TRMT2B: variants seen among roughly 807,000 people sequenced by gnomAD.
The protein encoded by TRMT2B is tRNA methyltransferase 2B.
Under a neutral mutation model 39.7 loss-of-function variants are expected in TRMT2B, and 34 were observed. The ratio of observed to expected loss-of-function variants is 0.86; its 90% CI spans 0.65 to 1.14. The LOEUF (loss-of-function observed/expected upper bound fraction) is 1.14, where lower values mean the gene tolerates loss of function less well. TRMT2B is among the 50% of genes most tolerant of loss of function. The probability of loss-of-function intolerance (pLI) is 0.00; values close to 1 mark genes in which losing one functional copy is unlikely to be tolerated. For missense variants in TRMT2B, 318 were observed against 377.2 expected, an observed-to-expected ratio of 0.84 and a Z score of 1.30; for synonymous variants, 132 against 137.3, an observed-to-expected ratio of 0.96 and a Z score of 0.27.
At chrX:100,993,577 G>A in the TRMT2B span, among the ~76,000 whole-genome samples, 8 of 111,901 alleles carry the variant, frequency 7.1e-5, no homozygotes, top group Admixed American at 2.9e-4. Flanking sequence ...CTATGAAGGT[G>A]AGCTGGGTGA....
intron 2 of TRMT2B, among the ~76,000 whole-genome samples, chrX:101,050,497 G>GAC (rs1569492119): frequency 3.6e-5 from 4 of 112,115 alleles, no homozygotes; most frequent in African/African-American, 1.3e-4. Context: ...GGCCGAGGCT[G>GAC]ACAGGTCACC....
chrX:101,020,400 C>T, intron 11 of TRMT2B, 87 bp downstream of exon 11: 3 of 767,980 alleles, frequency 3.9e-6, no homozygotes, highest in Non-Finnish European at 5.9e-6. Flanking sequence ...GTCAGGGATA[C>T]AGTAGTTGCC....
chrX:101,051,834 A>C lies in TRMT2B; in HGVS notation c.-524T>G. On this transcript the variant is annotated 5_prime_UTR_variant, in exon 1 of 14. Coordinates refer to ENST00000372936, the MANE Select transcript of TRMT2B (RefSeq NM_024917.6). ...TTACAAACCTGAGGCGGCAAACTAA[A>C]AGGCCAGCGGATGGCCTGGTTTGCT... 2 of 382,831 alleles carry C rather than the reference A, an allele frequency of 5.2e-6. No homozygotes were observed. Among genetic ancestry groups the C allele is most frequent in the Middle Eastern group, 1.7e-3 (1 of 584 alleles). 31.5% of individuals were successfully genotyped at this position (382,831 alleles called of 1,213,427 possible). A position where few individuals can be genotyped will look rare whatever the true frequency, so the allele number is the denominator to read the frequency against.
At chrX:101,019,218 T>A (rs2086673863) in intron 12 of TRMT2B, 66 bp downstream of exon 12, 1 of 1,197,630 alleles carries the variant, frequency 8.3e-7, no homozygotes, top group African/African-American at 1.7e-5. Context: ...CGTAGCATGG[T>A]GTGGAAAAGA....
the TRMT2B span, chrX:100,988,552 T>G: frequency 9.4e-7 from 1 of 1,069,359 alleles, no homozygotes; most frequent in Non-Finnish European, 1.2e-6. Context: ...TGACAATATT[T>G]TTGAAGGTAA....
chrX:100,977,616 G>C, the TRMT2B span, among the ~76,000 whole-genome samples: 13 of 110,892 alleles, frequency 1.2e-4, no homozygotes, highest in African/African-American at 3.9e-4. Flanking sequence ...CCTGACATCA[G>C]GTGATCTGCC....
chrX:101,000,678 T>C, the TRMT2B span, among the ~76,000 whole-genome samples: 1 of 110,401 alleles, frequency 9.1e-6, no homozygotes. Context: ...ACTACTGTAG[T>C]TACGTTTTAT....
chrX:100,978,317 T>G, the TRMT2B span, among the ~76,000 whole-genome samples: 1 of 111,876 alleles, frequency 8.9e-6, no homozygotes, highest in Non-Finnish European at 1.9e-5. Context: ...AAATCTCCAA[T>G]TATTGCTGTA....
intron 13 of TRMT2B, among the ~76,000 whole-genome samples, chrX:101,010,912 T>G (rs192698728): frequency 4.5e-5 from 5 of 112,106 alleles, no homozygotes; most frequent in Non-Finnish European, 9.4e-5. Flanking sequence ...AGAAATGAAG[T>G]AAACACTGCT....
In TRMT2B at chrX:101,038,012, C is replaced by G; in HGVS notation, c.343G>C (p.Glu115Gln). 8.3e-7 allele frequency: 1 copy of G among 1,208,990 alleles called. No individual in the cohort carries two copies. The highest frequency in any genetic ancestry group is 1.1e-6 in the Non-Finnish European group (1 of 893,786). The change falls in exon 5 of 14, where the codon GAG (glutamate) becomes CAG (glutamine). Residue 115 changes from glutamate (E) to glutamine (Q), a missense_variant. Glu to Gln is a conservative substitution (Grantham distance 29). Coordinates refer to ENST00000372936, the MANE Select transcript of TRMT2B (RefSeq NM_024917.6). ...AAQKKILQRL[E>Q]SYIQMLNGVS... ...CCATTGAGCATTTGGATGTAAGACTCTAGTCTTTGTAAAATTTTCTTCTGA... is the reference window on the plus strand; with the variant it reads ...CCATTGAGCATTTGGATGTAAGACTGTAGTCTTTGTAAAATTTTCTTCTGA...
In TRMT2B at chrX:101,037,066, A is replaced by G; in HGVS notation, c.446T>C (p.Ile149Thr). The change falls in exon 6 of 14, where the codon ATC (isoleucine) becomes ACC (threonine). Residue 149 changes from isoleucine (I) to threonine (T), a missense_variant. Transcript: ENST00000372936. ...GGTGGACTTATTTCGGTAACCATTG[A>G]TGACAGGCTGGAGAGGGCAGAAGGA... is the stretch of plus-strand genomic sequence containing the variant. The part of the protein sequence containing the change: ...LLHPIIPSPV[I>T]NGYRNKSTFS... 1 of 1,207,306 alleles carries G rather than the reference A, an allele frequency of 8.3e-7. No homozygotes were observed. Among genetic ancestry groups the G allele is most frequent in the Non-Finnish European group, 1.1e-6 (1 of 891,480 alleles).
intron 7 of TRMT2B, among the ~76,000 whole-genome samples, chrX:101,031,326 G>C (rs895416824): frequency 1.8e-5 from 2 of 111,521 alleles, no homozygotes; most frequent in African/African-American, 6.5e-5. Flanking sequence ...CCAGCTATTT[G>C]GTTAACACCT....
At position 101,019,305 on chromosome X, in the gene TRMT2B, T is replaced by A; in HGVS notation, c.1267A>T (p.Asn423Tyr). 1.7e-6 allele frequency: 2 copies of A among 1,211,780 alleles called. No homozygotes were observed. The highest frequency in any genetic ancestry group is 2.2e-6 in the Non-Finnish European group (2 of 895,533). Residue 423 changes from asparagine to tyrosine, a missense_variant, in exon 12 of 14, where the codon AAC becomes TAC. Transcript: ENST00000372936. Reference sequence around the variant, plus strand: ...TTACGCAGTCCGGCACGGGCTGGGTTCACCACAGCAACAATTGACTGTCCA... The same window carrying A: ...TTACGCAGTCCGGCACGGGCTGGGTACACCACAGCAACAATTGACTGTCCA... ...EDGQSIVAVV[N>Y]PARAGLHYKV...
intron 2 of TRMT2B, among the ~76,000 whole-genome samples, chrX:101,048,134 AC>A (rs1422563488): frequency 1.7e-4 from 18 of 106,816 alleles, no homozygotes; most frequent in Non-Finnish European, 2.7e-4. Context: ...ACACACACAC[AC>A]ACACACACAC....
chrX:101,024,320 A>G (rs1288852747), intron 7 of TRMT2B, among the ~76,000 whole-genome samples: 1 of 111,921 alleles, frequency 8.9e-6, no homozygotes, highest in Non-Finnish European at 1.9e-5. Flanking sequence ...GCTTCCAGAC[A>G]AGGAGGAAAT....
the TRMT2B span, among the ~76,000 whole-genome samples, chrX:100,994,061 AG>A: frequency 8.9e-6 from 1 of 112,380 alleles, no homozygotes; most frequent in Non-Finnish European, 1.9e-5. Context: ...CTTCTGGGAT[AG>A]GTATCCACTT....
chrX:101,038,916 A>AT (rs1398092323), intron 4 of TRMT2B, among the ~76,000 whole-genome samples: 2 of 110,238 alleles, frequency 1.8e-5, no homozygotes, highest in East Asian at 5.7e-4. Flanking sequence ...AACCTGGCTT[A>AT]TTTTTTGTAT....
intron 4 of TRMT2B, among the ~76,000 whole-genome samples, chrX:101,039,173 G>A (rs959404548): frequency 1.8e-4 from 20 of 110,923 alleles, no homozygotes; most frequent in African/African-American, 6.6e-4. Context: ...GGGTTCAAGC[G>A]ATTCTCCTGC....
At chrX:101,023,742 C>G in intron 7 of TRMT2B, 126 bp from the exon 8 acceptor site, 1 of 609,009 alleles carries the variant, frequency 1.6e-6, no homozygotes, top group South Asian at 4.0e-5. Context: ...CCTTAACCAC[C>G]AGTACTCAAA....
Sources: allele counts gnomAD v4.1 joint callset (sites outside exome capture counted in the v4.1 genomes callset), GRCh38; gene constraint gnomAD v4.1.1; transcripts MANE v1.5; gene names NCBI Gene and HGNC (gene_info 2026-07-23, HGNC 2026-07-21).